The following LOC128092252 variants were observed in gnomAD, a reference collection of about 807,000 sequenced individuals.
chr15:50,650,811 G>C, the LOC128092252 span, among the ~76,000 whole-genome samples: 2 of 152,266 alleles, frequency 1.3e-5, no homozygotes, highest in Non-Finnish European at 2.9e-5. Context: ...GCATGCTATA[G>C]CAAGTCTAAA....
the LOC128092252 span, among the ~76,000 whole-genome samples, chr15:50,676,303 AT>A: frequency 2.7e-4 from 41 of 151,796 alleles, no homozygotes; most frequent in Admixed American, 1.1e-3. Flanking sequence ...TGGAAATCAA[AT>A]TTTTTTTTAA....
the LOC128092252 span, among the ~76,000 whole-genome samples, chr15:50,660,450 C>T: frequency 6.6e-6 from 1 of 152,012 alleles, no homozygotes; most frequent in African/African-American, 2.4e-5. Context: ...GTCAGGAGCT[C>T]GAGACCAGCC....
At chr15:50,663,286 G>A in the LOC128092252 span, among the ~76,000 whole-genome samples, 1 of 152,004 alleles carries the variant, frequency 6.6e-6, no homozygotes, top group Non-Finnish European at 1.5e-5. Context: ...GTGCCACTAC[G>A]ACCAGATAAT....
At chr15:50,663,989 A>T in the LOC128092252 span, among the ~76,000 whole-genome samples, 3 of 151,860 alleles carry the variant, frequency 2.0e-5, no homozygotes, top group Non-Finnish European at 4.4e-5. Context: ...AAAAAACCTG[A>T]AAAAAAGACA....
the LOC128092252 span, among the ~76,000 whole-genome samples, chr15:50,656,879 A>C: frequency 6.6e-6 from 1 of 152,164 alleles, no homozygotes; most frequent in Non-Finnish European, 1.5e-5. Flanking sequence ...TATTGCATTT[A>C]TCTCATTAAG....
the LOC128092252 span, among the ~76,000 whole-genome samples, chr15:50,667,182 C>T: frequency 6.6e-6 from 1 of 152,122 alleles, no homozygotes; most frequent in African/African-American, 2.4e-5. Context: ...CTCTGCATGT[C>T]TGGATCAGAG....
chr15:50,670,590 A>G, the LOC128092252 span, among the ~76,000 whole-genome samples: 1 of 152,094 alleles, frequency 6.6e-6, no homozygotes, highest in Non-Finnish European at 1.5e-5. Flanking sequence ...TACCCTATAT[A>G]GTTTAAAAAG....
the LOC128092252 span, among the ~76,000 whole-genome samples, chr15:50,653,360 G>C: frequency 1.3e-5 from 2 of 152,166 alleles, no homozygotes; most frequent in Non-Finnish European, 2.9e-5. Context: ...ACTAGGAAAG[G>C]AGGAAACTTC....
At chr15:50,660,954 A>G in the LOC128092252 span, among the ~76,000 whole-genome samples, 1 of 152,140 alleles carries the variant, frequency 6.6e-6, no homozygotes. Context: ...GGTATACACA[A>G]TAACAGAATA....
chr15:50,678,535 T>C, the LOC128092252 span, among the ~76,000 whole-genome samples: 1 of 146,326 alleles, frequency 6.8e-6, no homozygotes, highest in Non-Finnish European at 1.5e-5. Context: ...TATATATATA[T>C]ATATATACAC....
chr15:50,662,038 T>C, the LOC128092252 span, among the ~76,000 whole-genome samples: 1 of 152,068 alleles, frequency 6.6e-6, no homozygotes, highest in South Asian at 2.1e-4. Context: ...GCCAACATAG[T>C]AAAACCCTGT....
the LOC128092252 span, among the ~76,000 whole-genome samples, chr15:50,651,619 G>GGCA: frequency 6.6e-6 from 1 of 152,092 alleles, no homozygotes; most frequent in African/African-American, 2.4e-5. Flanking sequence ...AACATAGTAA[G>GGCA]ACTCTGTCTC....
chr15:50,669,147 C>T, the LOC128092252 span, among the ~76,000 whole-genome samples: 5 of 152,222 alleles, frequency 3.3e-5, no homozygotes, highest in East Asian at 9.6e-4. Flanking sequence ...TGAGGTCAGG[C>T]GCAGTGGCTC....
At chr15:50,654,557 T>C in the LOC128092252 span, among the ~76,000 whole-genome samples, 1 of 151,602 alleles carries the variant, frequency 6.6e-6, no homozygotes, top group South Asian at 2.1e-4. Context: ...AAGACTCTAA[T>C]GCAGGTATTA....
the LOC128092252 span, among the ~76,000 whole-genome samples, chr15:50,681,567 C>A: frequency 1.3e-5 from 2 of 152,168 alleles, no homozygotes; most frequent in Admixed American, 1.3e-4. Context: ...TACCAAACTG[C>A]CAGCAGAAAG....
chr15:50,679,849 T>C, the LOC128092252 span, among the ~76,000 whole-genome samples: 2 of 152,042 alleles, frequency 1.3e-5, no homozygotes, highest in South Asian at 2.1e-4. Flanking sequence ...CCTGCTGCTT[T>C]TAACAAAGAG....
the LOC128092252 span, chr15:50,657,749 A>C: frequency 6.3e-7 from 1 of 1,598,190 alleles, no homozygotes; most frequent in Non-Finnish European, 8.5e-7. Context: ...TTATTTTCCG[A>C]AATTTGTGCG....
At chr15:50,664,267 G>T in the LOC128092252 span, among the ~76,000 whole-genome samples, 1 of 138,490 alleles carries the variant, frequency 7.2e-6, no homozygotes, top group African/African-American at 2.8e-5. Context: ...CCGAGATCGC[G>T]CCACTGCACT....
chr15:50,682,438 C>T, the LOC128092252 span, among the ~76,000 whole-genome samples: 5 of 151,772 alleles, frequency 3.3e-5, no homozygotes, highest in South Asian at 4.2e-4. Flanking sequence ...ATTAGATGGG[C>T]GTTGTGGTGT....
Sources: allele counts gnomAD v4.1 joint callset (sites outside exome capture counted in the v4.1 genomes callset), GRCh38; gene constraint gnomAD v4.1.1; transcripts MANE v1.5.